The following C6 variants were observed in gnomAD, a reference collection of about 807,000 sequenced individuals.
The protein encoded by C6 is complement C6, also known as complement component C6.
In C6, 101 loss-of-function variants were observed where a neutral mutation model predicts 112.9. The observed-to-expected ratio is 0.89, with a 90% CI of 0.76 to 1.06. The LOEUF (loss-of-function observed/expected upper bound fraction) is 1.06, where lower values mean the gene tolerates loss of function less well. C6 is among the 50% of genes least tolerant of loss of function. C6 has a pLI of 0.00. For missense variants in C6, 1,202 were observed against 1,104.6 expected (o/e 1.09, Z -1.25); for synonymous variants, 431 against 384.1 (o/e 1.12, Z -1.43).
At chr5:41,214,858 T>C (rs1258576042), upstream of C6, among the ~76,000 whole-genome samples, 1 of 152,066 alleles carries the variant, frequency 6.6e-6, no homozygotes, top group Non-Finnish European at 1.5e-5. Context: ...ATTTGTAATG[T>C]GGGCTATGAA....
chr5:41,195,785 T>A lies in C6; in HGVS notation c.587+7A>T. On this transcript the variant is annotated splice_region_variant and intron_variant, in intron 5 of 17. Transcript: ENST00000337836. The stretch of plus-strand genomic sequence containing the variant: ...TCTCCCCAAGATGATAAAAAGATGT[T>A]ACATACCCATTGCCCATCAACTGTA... 6.2e-7 allele frequency: 1 copy of A among 1,613,294 alleles called. No individual in the cohort carries two copies.
At chr5:41,157,311 T>G (rs1019080668) in intron 13 of C6, among the ~76,000 whole-genome samples, 1 of 152,196 alleles carries the variant, frequency 6.6e-6, no homozygotes, top group African/African-American at 2.4e-5. Context: ...TGTCAATAAT[T>G]TTAACGGTCT....
chr5:41,166,152 G>A (rs1460266663), intron 9 of C6, among the ~76,000 whole-genome samples: 1 of 152,070 alleles, frequency 6.6e-6, no homozygotes, highest in Admixed American at 6.6e-5. Flanking sequence ...ATTTAAAGAT[G>A]GAACTCCCTT....
At chr5:41,243,011 G>C (rs542524977) in intron 1 of C6, among the ~76,000 whole-genome samples, 1 of 152,206 alleles carries the variant, frequency 6.6e-6, no homozygotes, top group South Asian at 2.1e-4. Context: ...AGGAGGAATG[G>C]GAAGATAATG....
chr5:41,142,981 T>C lies in C6; in HGVS notation c.2649A>G (p.Leu883=), dbSNP rs754612623. Residue 883 remains leucine (L), a synonymous_variant, in exon 18 of 18, where the codon CTA becomes CTG. Transcript: ENST00000337836. ...CSASTSKCVC[L]LPPQCFKGGN... is the part of the protein sequence containing the mutation. ...CACCCTTGAAGCACTGTGGGGGCAA[T>C]AGGCAGACACATTTGGAAGTGGAGG... 10 of 1,613,372 alleles carry C rather than the reference T, an allele frequency of 6.2e-6. No homozygotes were observed. The highest frequency in any genetic ancestry group is 2.2e-5 in the East Asian group (1 of 44,854).
At chr5:41,206,968 G>A (rs1751486609) in intron 1 of C6, among the ~76,000 whole-genome samples, 1 of 152,196 alleles carries the variant, frequency 6.6e-6, no homozygotes, top group African/African-American at 2.4e-5. Flanking sequence ...GTTAAGGGCA[G>A]CCAGAGAGAA....
At chr5:41,254,595 C>A (rs1432729790) in intron 1 of C6, among the ~76,000 whole-genome samples, 3 of 152,132 alleles carry the variant, frequency 2.0e-5, no homozygotes, top group Non-Finnish European at 2.9e-5. Flanking sequence ...CTTGATAACT[C>A]CCTTTACAGA....
upstream of C6, among the ~76,000 whole-genome samples, chr5:41,213,780 G>C (rs1752083026): frequency 6.6e-6 from 1 of 152,098 alleles, no homozygotes; most frequent in Non-Finnish European, 1.5e-5. Context: ...GGAATGTATA[G>C]ATTCTTAGTT....
chr5:41,157,465 A>C (rs1034816499), intron 13 of C6, among the ~76,000 whole-genome samples: 9 of 152,228 alleles, frequency 5.9e-5, no homozygotes, highest in Non-Finnish European at 1.3e-4. Context: ...GCCATATGGC[A>C]TCTGTTGAAA....
intron 1 of C6, among the ~76,000 whole-genome samples, chr5:41,240,475 C>T (rs754519663): frequency 2.6e-5 from 4 of 152,148 alleles, no homozygotes; most frequent in Middle Eastern, 3.4e-3. Flanking sequence ...AGTAGGGTGG[C>T]GGGATAACTC....
intron 5 of C6, among the ~76,000 whole-genome samples, chr5:41,195,315 TG>T (rs1750526535): frequency 6.6e-6 from 1 of 152,222 alleles, no homozygotes; most frequent in African/African-American, 2.4e-5. Context: ...CTTTTCATGC[TG>T]GAAGACTGGT....
At chr5:41,148,912 C>A (rs1746105416) in intron 17 of C6, among the ~76,000 whole-genome samples, 1 of 152,170 alleles carries the variant, frequency 6.6e-6, no homozygotes, top group Non-Finnish European at 1.5e-5. Flanking sequence ...TTAGACAATT[C>A]TGGTGAAGGC....
intron 1 of C6, among the ~76,000 whole-genome samples, chr5:41,245,058 T>G (rs1277278176): frequency 6.6e-6 from 1 of 152,224 alleles, no homozygotes; most frequent in Non-Finnish European, 1.5e-5. Flanking sequence ...TTGTTAACAT[T>G]TTTTATAATT....
chr5:41,247,583 T>G (rs867652759), intron 1 of C6, among the ~76,000 whole-genome samples: 2 of 151,824 alleles, frequency 1.3e-5, no homozygotes, highest in Non-Finnish European at 2.9e-5. Flanking sequence ...CTGGGCATTG[T>G]GGCGGGCGCC....
chr5:41,248,350 G>A (rs1741145563), intron 1 of C6, among the ~76,000 whole-genome samples: 1 of 152,162 alleles, frequency 6.6e-6, no homozygotes, highest in South Asian at 2.1e-4. Flanking sequence ...AAGAGCTTCT[G>A]CACAGCAAAA....
chr5:41,234,378 C>CTTTTTTT (rs1740119544), intron 1 of C6, among the ~76,000 whole-genome samples: 1 of 97,428 alleles, frequency 1.0e-5, no homozygotes, highest in African/African-American at 5.0e-5. Context: ...TTTTTTTTTG[C>CTTTTTTT]TTGGAAGATG....
chr5:41,252,392 C>G (rs1741418619), intron 1 of C6, among the ~76,000 whole-genome samples: 1 of 151,986 alleles, frequency 6.6e-6, no homozygotes, highest in Non-Finnish European at 1.5e-5. Flanking sequence ...CTCATTATAC[C>G]CCTCCCTTTG....
intron 8 of C6, 32 bp downstream of exon 8, chr5:41,176,443 A>G (rs892217089): frequency 2.5e-6 from 4 of 1,607,720 alleles, no homozygotes; most frequent in Middle Eastern, 1.7e-4. Flanking sequence ...CTATCATACC[A>G]GTTAAAAAGA....
intron 9 of C6, among the ~76,000 whole-genome samples, chr5:41,167,325 T>A (rs1335271241): frequency 2.6e-5 from 4 of 152,152 alleles, no homozygotes; most frequent in African/African-American, 9.6e-5. Flanking sequence ...CCACACATTT[T>A]AGGATTCAGA....
Sources: allele counts gnomAD v4.1 joint callset (sites outside exome capture counted in the v4.1 genomes callset), GRCh38; gene constraint gnomAD v4.1.1; transcripts MANE v1.5; gene names NCBI Gene and HGNC (gene_info 2026-07-23, HGNC 2026-07-21).